The following FAM83C variants were observed in gnomAD, a reference collection of about 807,000 sequenced individuals.
The protein encoded by FAM83C is scaffolding CK1 anchoring protein C.
A neutral mutation model predicts 27.1 loss-of-function variants in FAM83C; 23 were observed. The observed-to-expected ratio is 0.85, with a 90% CI of 0.61 to 1.20. The LOEUF (loss-of-function observed/expected upper bound fraction) is 1.20, where lower values mean the gene tolerates loss of function less well. Ranked by LOEUF, FAM83C falls within the 50% of genes most tolerant of loss-of-function variation. FAM83C has a pLI of 0.00. For missense variants in FAM83C, 984 were observed against 1,001.3 expected (o/e 0.98, Z 0.23); for synonymous variants, 426 against 423.1 (o/e 1.01, Z -0.09).
In FAM83C at chr20:35,292,284, A is replaced by G; in HGVS notation, c.21T>C (p.Pro7=). 6.5e-7 allele frequency: 1 copy of G among 1,540,852 alleles called. No homozygotes were observed. The highest frequency in any genetic ancestry group is 8.7e-7 in the Non-Finnish European group (1 of 1,150,122). Residue 7 remains proline, a synonymous_variant, in exon 1 of 4, where the codon CCT becomes CCC. Transcript: ENST00000374408. MFGGPG[P]GVLGAQGMAG... is the part of the protein sequence containing the mutation. Reference sequence around the variant, plus strand: ...CCATGCCCTGGGCTCCCAGGACCCCAGGCCCCGGGCCTCCGAACATGCCTG... The same window carrying G: ...CCATGCCCTGGGCTCCCAGGACCCCGGGCCCCGGGCCTCCGAACATGCCTG...
Position 35,292,341 on chromosome 20 carries a change from C to T in FAM83C, c.-37G>A. 1 of 1,451,436 alleles carries T rather than the reference C, an allele frequency of 6.9e-7. No homozygotes were observed. Among genetic ancestry groups the T allele is most frequent in the Non-Finnish European group, 9.0e-7 (1 of 1,109,758 alleles). The allele number at this position is 1,451,436 out of a possible 1,614,324, so 89.9% of individuals were successfully genotyped here. ...GGCTGCCTCACCCGCCGGCAGGGCC[C>T]ATGGCCCGCACGCTGGGCTGGCTGC... is the stretch of plus-strand genomic sequence containing the variant. On this transcript the variant is annotated 5_prime_UTR_variant, in exon 1 of 4. It removes an upstream start codon present in the reference 5' UTR. Transcript: ENST00000374408.
rs1568635112 is a variant in FAM83C at position 35,287,988 on chromosome 20, C to A, written c.807-16G>T. Reference sequence around the variant, plus strand: ...CCAGGTGAAGCTGGGGGCAGAGGGACAGGGGGGTCAGGAGGCAAAGTGCAG... The same window carrying A: ...CCAGGTGAAGCTGGGGGCAGAGGGAAAGGGGGGTCAGGAGGCAAAGTGCAG... On this transcript the variant is annotated splice_polypyrimidine_tract_variant and intron_variant, in intron 3 of 3. Transcript: ENST00000374408. 1.9e-6 allele frequency: 3 copies of A among 1,557,044 alleles called. No individual in the cohort carries two copies. Among genetic ancestry groups the A allele is most frequent in the Non-Finnish European group, 2.6e-6 (3 of 1,149,242 alleles).
chr20:35,291,642 C>A, intron 1 of FAM83C, 150 bp downstream of exon 1: 1 of 998,272 alleles, frequency 1.0e-6, no homozygotes. Flanking sequence ...TGGGATGTCC[C>A]CCTTCTAGGA....
In FAM83C at chr20:35,286,564, T is replaced by C; in HGVS notation, c.2215A>G (p.Lys739Glu). The C allele has an allele frequency of 6.8e-6, 11 of 1,613,660 alleles. No individual in the cohort carries two copies. The highest frequency in any genetic ancestry group is 9.3e-6 in the Non-Finnish European group (11 of 1,179,690). Residue 739 changes from lysine to glutamate, a missense_variant, in exon 4 of 4, where the codon AAG becomes GAG. Physicochemically the swap from Lys to Glu is moderately conservative, Grantham distance 56 (BLOSUM62 1). Transcript: ENST00000374408. ...GACTCAAAGCGGCTTCGGAGCTGCTTGAACTTGGACTTGTTGTACTTAGTG... is the reference window on the plus strand; with the variant it reads ...GACTCAAAGCGGCTTCGGAGCTGCTCGAACTTGGACTTGTTGTACTTAGTG... Reference protein sequence around the residue: ...LITKYNKSKFKQLRSRFES With the variant: ...LITKYNKSKFEQLRSRFES
In FAM83C at chr20:35,287,656, C is replaced by T. The variant is rs1270502523; in HGVS notation, c.1123G>A (p.Gly375Ser). Reference sequence around the variant, plus strand: ...GGACCCAGGGACGAGGACACCACACCCGTATCACTGCAATCACCACCTCCT... The same window carrying T: ...GGACCCAGGGACGAGGACACCACACTCGTATCACTGCAATCACCACCTCCT... Reference protein sequence around the residue: ...LPGGGDCSDTGVVSSSLGPAR... With the variant: ...LPGGGDCSDTSVVSSSLGPAR... The change falls in exon 4 of 4, where the codon GGT becomes AGT. Residue 375 changes from glycine (G) to serine (S), a missense_variant. Gly to Ser is a moderately conservative substitution (Grantham distance 56). Transcript: ENST00000374408. 1 of 1,613,976 alleles carries T rather than the reference C, an allele frequency of 6.2e-7. No homozygotes were observed. The highest frequency in any genetic ancestry group is 8.5e-7 in the Non-Finnish European group (1 of 1,179,920).
chr20:35,287,826 G>A lies in FAM83C; in HGVS notation c.953C>T (p.Ser318Phe), dbSNP rs1317666698. 3.2e-6 allele frequency: 5 copies of A among 1,576,520 alleles called. No individual in the cohort carries two copies. Among genetic ancestry groups the A allele is most frequent in the Non-Finnish European group, 4.3e-6 (5 of 1,159,194 alleles). The change falls in exon 4 of 4, where the codon TCT becomes TTT. Residue 318 changes from serine (S) to phenylalanine (F), a missense_variant. Coordinates refer to ENST00000374408, the MANE Select transcript of FAM83C (RefSeq NM_178468.6). ...EGFCGGEDPL[S>F]PRALRPPPVA... Reference sequence around the variant, plus strand: ...AGGGGGAGGACGCAGTGCCCGGGGAGACAGCGGGTCCTCACCGCCACAGAA... The same window carrying A: ...AGGGGGAGGACGCAGTGCCCGGGGAAACAGCGGGTCCTCACCGCCACAGAA...
In FAM83C at chr20:35,287,753, C is replaced by CA; in HGVS notation, c.1025dup (p.Pro343AlafsTer28). 1.2e-6 allele frequency: 2 copies of CA among 1,613,546 alleles called. No homozygotes were observed. Among genetic ancestry groups the CA allele is most frequent in the Non-Finnish European group, 1.7e-6 (2 of 1,179,732 alleles). ...TGCTGCTGAGGCTGGTGCTGGAGGG[C>CA]AGGGACGACGTGGGGCTTGGGACAT... On this transcript the variant is annotated frameshift_variant, in exon 4 of 4. Transcript: ENST00000374408. LOFTEE classifies it low-confidence loss of function (END_TRUNC).
At chr20:35,289,793 T>C (rs1568635816) in intron 1 of FAM83C, among the ~76,000 whole-genome samples, 2 of 152,176 alleles carry the variant, frequency 1.3e-5, no homozygotes, top group Non-Finnish European at 2.9e-5. Context: ...AACCCCTAGC[T>C]GTTTGAAAGC....
At chr20:35,291,080 C>T (rs2060845495) in intron 1 of FAM83C, among the ~76,000 whole-genome samples, 1 of 152,216 alleles carries the variant, frequency 6.6e-6, no homozygotes, top group Non-Finnish European at 1.5e-5. Context: ...CTCCTGAGCT[C>T]CCGCTCCCCA....
rs780212819 is a variant in FAM83C at position 35,287,558 on chromosome 20, AG to A, written c.1220del (p.Pro407LeufsTer11). The A allele has an allele frequency of 1.2e-6, 2 of 1,614,140 alleles. No homozygotes were observed. The highest frequency in any genetic ancestry group is 1.7e-6 in the Non-Finnish European group (2 of 1,179,984). ...QLSDPNHGSP[P>X]GLYRANLGKL... Reference sequence around the variant, plus strand: ...TGCCGAGATTGGCCCTATAGAGCCCAGGAGGGGAGCCGTGGTTAGGGTCTGA... The same window carrying A: ...TGCCGAGATTGGCCCTATAGAGCCCAGAGGGGAGCCGTGGTTAGGGTCTGA... On this transcript the variant is annotated frameshift_variant, in exon 4 of 4. Transcript: ENST00000374408. LOFTEE classifies it low-confidence loss of function (END_TRUNC).
intron 3 of FAM83C, 85 bp from the exon 4 acceptor site, chr20:35,288,057 G>GGCTGT: frequency 8.4e-7 from 1 of 1,190,544 alleles, no homozygotes; most frequent in Non-Finnish European, 1.2e-6. Flanking sequence ...GTGCATACCT[G>GGCTGT]GTCCAGCACG....
chr20:35,288,960 T>G lies in FAM83C; in HGVS notation c.514-2A>C, dbSNP rs937709273. 1 of 1,612,528 alleles carries G rather than the reference T, an allele frequency of 6.2e-7. No individual in the cohort carries two copies. Among genetic ancestry groups the G allele is most frequent in the African/African-American group, 1.3e-5 (1 of 75,010 alleles). ...TATGTCCATCACCACAGCCACCACC[T>G]GGGTGGGGGGAGGCACACGAAAGCT... On this transcript the variant is annotated splice_acceptor_variant, in intron 1 of 3. Coordinates refer to ENST00000374408, the MANE Select transcript of FAM83C (RefSeq NM_178468.6). LOFTEE classifies it high-confidence loss of function.
Position 35,285,993 on chromosome 20 carries a change from C to T in FAM83C, c.*542G>A, listed in dbSNP as rs2060821625. On this transcript the variant is annotated 3_prime_UTR_variant, in exon 4 of 4. Transcript: ENST00000374408. ...TCTGCTCTTCCTCACTCATTCACCTCAGACCCACTCAGTCCTCTTTAGGGC... is the reference window on the plus strand; with the variant it reads ...TCTGCTCTTCCTCACTCATTCACCTTAGACCCACTCAGTCCTCTTTAGGGC... 1 of 155,532 alleles carries T rather than the reference C, an allele frequency of 6.4e-6. No homozygotes were observed. The highest frequency in any genetic ancestry group is 1.4e-5 in the Non-Finnish European group (1 of 71,318). The allele number at this position is 155,532 out of a possible 1,614,324, so 9.6% of individuals were successfully genotyped here. A position where few individuals can be genotyped will look rare whatever the true frequency, so the allele number is the denominator to read the frequency against.
chr20:35,290,407 A>C (rs1264868064), intron 1 of FAM83C, among the ~76,000 whole-genome samples: 1 of 152,014 alleles, frequency 6.6e-6, no homozygotes, highest in Non-Finnish European at 1.5e-5. Context: ...TCAAACCTGG[A>C]CTCTATCACT....
Position 35,287,288 on chromosome 20 carries a change from C to A in FAM83C, c.1491G>T (p.Lys497Asn). The change falls in exon 4 of 4, where the codon AAG becomes AAT. Residue 497 changes from lysine (K) to asparagine (N), a missense_variant. Lys to Asn is a moderately conservative substitution (Grantham distance 94, BLOSUM62 0). Transcript: ENST00000374408. ...TTLETVEEKEKKASPSQSRGQ... is the reference protein window; with the variant it reads ...TTLETVEEKENKASPSQSRGQ... ...CACGGCTCTGACTTGGAGATGCCTT[C>A]TTCTCCTTCTCCTCCACTGTCTCCA... The A allele has an allele frequency of 2.5e-6, 4 of 1,613,446 alleles. No individual in the cohort carries two copies. The Middle Eastern group carries it at 6.6e-4, about 266-fold the overall frequency.
chr20:35,287,328 A>G lies in FAM83C; in HGVS notation c.1451T>C (p.Val484Ala), dbSNP rs1197176209. 3 of 1,613,668 alleles carry G rather than the reference A, an allele frequency of 1.9e-6. No homozygotes were observed. The highest frequency in any genetic ancestry group is 2.5e-6 in the Non-Finnish European group (3 of 1,179,990). ...QEPSPLRGRW[V>A]PGTTLETVEE... is the part of the protein sequence containing the mutation. ...CACTGTCTCCAGGGTTGTGCCAGGT[A>G]CCCATCGACCCCGCAGGGGGCTGGG... Residue 484 changes from valine to alanine, a missense_variant, in exon 4 of 4, where the codon GTA (valine) becomes GCA (alanine). Physicochemically the swap from Val to Ala is moderately conservative, Grantham distance 64. Transcript: ENST00000374408.
rs1355213063 is a variant in FAM83C at position 35,287,184 on chromosome 20, C to T, written c.1595G>A (p.Gly532Asp). ...GGCCTGCTCGCCAGGCCGAAGGGGG[C>T]CTGAGTTGGGGGTAACCCCAGAGTC... ...DPDSGVTPNSGPLRPGEQAPE... is the reference protein window; with the variant it reads ...DPDSGVTPNSDPLRPGEQAPE... Residue 532 changes from glycine (G) to aspartate (D), a missense_variant, in exon 4 of 4, where the codon GGC becomes GAC. Gly to Asp is a moderately conservative substitution (Grantham distance 94, BLOSUM62 -1). Transcript: ENST00000374408. The T allele has an allele frequency of 2.5e-6, 4 of 1,609,242 alleles. No individual in the cohort carries two copies. The African/African-American group carries it at 4.0e-5, about 16-fold the overall frequency.
rs917771925 is a variant in FAM83C at position 35,286,429 on chromosome 20, T to A, written c.*106A>T. 5 of 1,118,922 alleles carry A rather than the reference T, an allele frequency of 4.5e-6. No individual in the cohort carries two copies. In the African/African-American group the frequency reaches 6.3e-5, roughly 14 times the overall value. The allele number at this position is 1,118,922 out of a possible 1,614,324, so 69.3% of individuals were successfully genotyped here. A position where few individuals can be genotyped will look rare whatever the true frequency, so the allele number is the denominator to read the frequency against. On this transcript the variant is annotated 3_prime_UTR_variant, in exon 4 of 4. Transcript: ENST00000374408. ...CCAGAGAGTGTGTCTGACCTGGGTT[T>A]CTAGACACCTCCCTTCCCCAGTCTG... is the stretch of plus-strand genomic sequence containing the variant.
At chr20:35,288,075 C>T (rs1050429244) in intron 3 of FAM83C, 103 bp from the exon 4 acceptor site, 1 of 962,422 alleles carries the variant, frequency 1.0e-6, no homozygotes, top group Admixed American at 2.6e-5. Context: ...ACGCTAGACC[C>T]AAACCCCACC....
Sources: gnomAD v4.1 joint callset for allele counts (sites outside exome capture counted in the v4.1 genomes callset) on GRCh38, gnomAD v4.1.1 for gene constraint, MANE v1.5 for transcripts, NCBI Gene and HGNC (gene_info 2026-07-23, HGNC 2026-07-21) for gene names.